PPP2R2B: variants seen among roughly 807,000 people sequenced by gnomAD.
PPP2R2B encodes the protein protein phosphatase 2 regulatory subunit Bbeta.
Under a neutral mutation model 46.0 loss-of-function variants are expected in PPP2R2B, and 5 were observed. The observed-to-expected ratio is 0.11, with a 90% CI of 0.06 to 0.23. The LOEUF (loss-of-function observed/expected upper bound fraction) is 0.23. Among genes scored for constraint, PPP2R2B ranks in the 10% least tolerant of loss-of-function variants. PPP2R2B has a pLI of 1.00. For missense variants in PPP2R2B, 367 were observed against 575.0 expected (o/e 0.64, Z 3.70); for synonymous variants, 215 against 206.7 (o/e 1.04, Z -0.34).
chr5:146,742,413 AGTT>A (rs1290118466), intron 2 of PPP2R2B, among the ~76,000 whole-genome samples: 1 of 152,142 alleles, frequency 6.6e-6, no homozygotes, highest in African/African-American at 2.4e-5. Flanking sequence ...TGGGCTGGCC[AGTT>A]GTTCTGGATC....
chr5:146,773,794 C>T (rs1755012008), intron 2 of PPP2R2B, among the ~76,000 whole-genome samples: 1 of 152,132 alleles, frequency 6.6e-6, no homozygotes, highest in African/African-American at 2.4e-5. Context: ...AATATTTTTA[C>T]CGTAGAGGCC....
chr5:146,691,380 T>A (rs1778843060), intron 4 of PPP2R2B, 140 bp from the exon 5 acceptor site: 2 of 627,254 alleles, frequency 3.2e-6, no homozygotes, highest in Non-Finnish European at 5.5e-6. Flanking sequence ...ACGTTTGGCG[T>A]GCATAAATCC....
chr5:146,899,575 G>A (rs1195873070), intron 1 of PPP2R2B, among the ~76,000 whole-genome samples: 2 of 151,912 alleles, frequency 1.3e-5, no homozygotes, highest in African/African-American at 2.4e-5. Context: ...GTATACATAT[G>A]TAACTAACCT....
chr5:146,888,561 A>G (rs1561497343), intron 1 of PPP2R2B, among the ~76,000 whole-genome samples: 1 of 152,178 alleles, frequency 6.6e-6, no homozygotes, highest in Non-Finnish European at 1.5e-5. Flanking sequence ...GTCCTTTTAA[A>G]TGCAAATCAC....
chr5:146,755,693 T>G (rs1177833894), intron 2 of PPP2R2B, among the ~76,000 whole-genome samples: 1 of 152,092 alleles, frequency 6.6e-6, no homozygotes, highest in Non-Finnish European at 1.5e-5. Flanking sequence ...ATCAAAGAGG[T>G]TTTGTTGTCA....
At chr5:146,758,683 T>TA (rs893875173) in intron 2 of PPP2R2B, among the ~76,000 whole-genome samples, 16 of 152,150 alleles carry the variant, frequency 1.1e-4, no homozygotes, top group African/African-American at 3.9e-4. Flanking sequence ...GCTTAATACC[T>TA]ACGGGTCAAA....
intron 5 of PPP2R2B, among the ~76,000 whole-genome samples, chr5:146,667,666 G>C (rs528776883): frequency 6.6e-6 from 1 of 152,104 alleles, no homozygotes; most frequent in African/African-American, 2.4e-5. Flanking sequence ...ACAGGGACTT[G>C]GCAAGCTGTT....
chr5:146,698,235 G>T, intron 3 of PPP2R2B, 91 bp from the exon 4 acceptor site: 1 of 1,157,570 alleles, frequency 8.6e-7, no homozygotes, highest in South Asian at 1.7e-5. Flanking sequence ...GCAGTCATTG[G>T]GGGTGGGATG....
intron 1 of PPP2R2B, among the ~76,000 whole-genome samples, chr5:146,918,908 G>C (rs1763492463): frequency 6.6e-6 from 1 of 152,116 alleles, no homozygotes; most frequent in African/African-American, 2.4e-5. Context: ...TATTTAAATT[G>C]CACCTTTTCT....
intron 5 of PPP2R2B, among the ~76,000 whole-genome samples, chr5:146,670,469 G>A (rs1409888353): frequency 7.8e-6 from 1 of 128,620 alleles, no homozygotes; most frequent in African/African-American, 3.0e-5. Flanking sequence ...TCTGTTTTAT[G>A]TGTACTATTA....
At chr5:146,674,133 A>G (rs1777557067) in intron 5 of PPP2R2B, among the ~76,000 whole-genome samples, 1 of 152,178 alleles carries the variant, frequency 6.6e-6, no homozygotes, top group Non-Finnish European at 1.5e-5. Flanking sequence ...GGAGCTAGCT[A>G]CATATTATTG....
At chr5:146,603,699 G>T (rs997362932) in intron 7 of PPP2R2B, among the ~76,000 whole-genome samples, 1 of 152,130 alleles carries the variant, frequency 6.6e-6, no homozygotes, top group Non-Finnish European at 1.5e-5. Flanking sequence ...AATTACTTTT[G>T]ATGGGAAGCT....
At chr5:146,870,122 C>T (rs1343155079) in intron 2 of PPP2R2B, among the ~76,000 whole-genome samples, 8 of 152,120 alleles carry the variant, frequency 5.3e-5, no homozygotes, top group Non-Finnish European at 8.8e-5. Flanking sequence ...GTGGAGGAGG[C>T]GGCCTGCCAT....
At chr5:147,023,971 C>G (rs1183104557) in intron 1 of PPP2R2B, among the ~76,000 whole-genome samples, 1 of 152,248 alleles carries the variant, frequency 6.6e-6, no homozygotes, top group African/African-American at 2.4e-5. Flanking sequence ...ACAGGCCCCT[C>G]CAGTTCTCAG....
At chr5:146,788,328 C>A (rs111933258) in intron 2 of PPP2R2B, among the ~76,000 whole-genome samples, 22 of 150,290 alleles carry the variant, frequency 1.5e-4, no homozygotes, top group African/African-American at 3.4e-4. Context: ...CTTTAGCACA[C>A]CCTGGTTTAA....
intron 2 of PPP2R2B, among the ~76,000 whole-genome samples, chr5:146,732,246 C>T (rs1211866844): frequency 6.6e-6 from 1 of 152,146 alleles, no homozygotes; most frequent in Non-Finnish European, 1.5e-5. Flanking sequence ...TTCTTTTGAC[C>T]ACAAGAGAAA....
Position 146,646,664 on chromosome 5 carries a change from C to A in PPP2R2B, c.625+3883G>T, listed in dbSNP as rs79510835. ...GCAGCATCTTGCAAAGGACACCCAA[C>A]TGCAGAACCAAAGGAAGAGTCTAGA... On this transcript the variant is annotated intron_variant, in intron 6 of 9. Transcript: ENST00000394411. Among the ~76,000 whole-genome samples the A allele has an allele frequency of 9.2e-5, 14 of 152,294 alleles. No homozygotes were observed. In the South Asian group the frequency reaches 2.9e-3, roughly 32 times the overall value.
chr5:146,989,428 G>T (rs956003814), intron 1 of PPP2R2B, among the ~76,000 whole-genome samples: 3 of 152,082 alleles, frequency 2.0e-5, no homozygotes, highest in Non-Finnish European at 2.9e-5. Context: ...TTCCAGGGAT[G>T]CAAGGATGGT....
chr5:146,596,058 C>A (rs923483410), intron 8 of PPP2R2B, among the ~76,000 whole-genome samples: 1 of 152,106 alleles, frequency 6.6e-6, no homozygotes, highest in Non-Finnish European at 1.5e-5. Context: ...GCTCTGTGGG[C>A]CGTATGGTCT....
Sources: gnomAD v4.1 joint callset for allele counts (sites outside exome capture counted in the v4.1 genomes callset) on GRCh38, gnomAD v4.1.1 for gene constraint, MANE v1.5 for transcripts, NCBI Gene and HGNC (gene_info 2026-07-23, HGNC 2026-07-21) for gene names.